The following B3GNT5 variants were observed in gnomAD, a reference collection of about 807,000 sequenced individuals.
B3GNT5 encodes the protein lactosylceramide 1,3-N-acetyl-beta-D-glucosaminyltransferase.
Under a neutral mutation model 25.9 loss-of-function variants are expected in B3GNT5, and 11 were observed. That is an observed-to-expected ratio of 0.42 (90% CI 0.27 to 0.70). The LOEUF is 0.70. Ranked by LOEUF, B3GNT5 falls within the 30% of genes least tolerant of loss-of-function variation. B3GNT5 has a pLI of 0.23. For synonymous variants in B3GNT5, 166 were observed against 158.6 expected, an observed-to-expected ratio of 1.05 and a Z score of -0.35; for missense variants, 385 against 458.4, an observed-to-expected ratio of 0.84 and a Z score of 1.46.
chr3:183,255,704 A>C (rs1724979874), intron 1 of B3GNT5, among the ~76,000 whole-genome samples: 1 of 152,228 alleles, frequency 6.6e-6, no homozygotes, highest in South Asian at 2.1e-4. Flanking sequence ...AGAGTTTTCA[A>C]AATAAAGTGC....
At position 183,271,592 on chromosome 3, in the gene B3GNT5, A is replaced by G. The variant is rs978069521; in HGVS notation, c.*657A>G. The G allele has an allele frequency of 2.4e-5, 4 of 167,038 alleles. No individual in the cohort carries two copies. Among genetic ancestry groups the G allele is most frequent in the Non-Finnish European group, 4.4e-5 (3 of 68,108 alleles). The allele number at this position is 167,038 out of a possible 1,614,324, so 10.3% of individuals were successfully genotyped here. On this transcript the variant is annotated 3_prime_UTR_variant, in exon 2 of 2. Transcript: ENST00000326505. Reference sequence around the variant, plus strand: ...TTTAATGTGAACTTTTAGAAAAGTGATTAATGTTGCCCTAATACTTTATAT... The same window carrying G: ...TTTAATGTGAACTTTTAGAAAAGTGGTTAATGTTGCCCTAATACTTTATAT...
chr3:183,266,044 G>A (rs1218008690), intron 1 of B3GNT5: 4 of 152,230 alleles, frequency 2.6e-5, no homozygotes, highest in Non-Finnish European at 5.9e-5. Context: ...TACATGTTGA[G>A]GGTGGGGACA....
chr3:183,264,146 C>A (rs910720466), intron 1 of B3GNT5, among the ~76,000 whole-genome samples: 5 of 152,192 alleles, frequency 3.3e-5, no homozygotes, highest in African/African-American at 1.2e-4. Context: ...TCTGTACCCC[C>A]CTAAGACTCC....
rs568907388 is a variant in B3GNT5 at position 183,258,142 on chromosome 3, G to A, written c.-302+4670G>A. ...TCCACCACACCCAGCTAATTTTTGT[G>A]TTTTTAGTAGAGATGGGGTTTCACC... On this transcript the variant is annotated intron_variant, in intron 1 of 1. Transcript: ENST00000326505. Among the ~76,000 whole-genome samples, 214 of 151,466 alleles carry A rather than the reference G, an allele frequency of 1.4e-3. 1 individual carries two copies. The highest frequency in any genetic ancestry group is 0.01 in the Middle Eastern group (3 of 294).
At position 183,269,920 on chromosome 3, in the gene B3GNT5, G is replaced by A; in HGVS notation, c.122G>A (p.Ser41Asn). Reference sequence around the variant, plus strand: ...GAACCAATCGATAATCACATTGTGAGCCATATGAAGTCATATTCTTACAGA... The same window carrying A: ...GAACCAATCGATAATCACATTGTGAACCATATGAAGTCATATTCTTACAGA... ...FWEPIDNHIV[S>N]HMKSYSYRYL... The change falls in exon 2 of 2, where the codon AGC becomes AAC. Residue 41 changes from serine to asparagine, a missense_variant. Ser to Asn is a conservative substitution (Grantham distance 46, BLOSUM62 1). Coordinates refer to ENST00000326505, the MANE Select transcript of B3GNT5 (RefSeq NM_032047.5). 1 of 1,614,082 alleles carries A rather than the reference G, an allele frequency of 6.2e-7. No individual in the cohort carries two copies. The highest frequency in any genetic ancestry group is 8.5e-7 in the Non-Finnish European group (1 of 1,180,030).
At chr3:183,264,395 T>C (rs1333680023) in intron 1 of B3GNT5, among the ~76,000 whole-genome samples, 1 of 152,240 alleles carries the variant, frequency 6.6e-6, no homozygotes, top group Non-Finnish European at 1.5e-5. Context: ...AGACACACTG[T>C]ACCTTACCAG....
At chr3:183,258,591 C>T (rs1725295921) in intron 1 of B3GNT5, among the ~76,000 whole-genome samples, 1 of 152,210 alleles carries the variant, frequency 6.6e-6, no homozygotes, top group African/African-American at 2.4e-5. Context: ...GGTTTGGGGT[C>T]CATAGTTTGT....
chr3:183,262,716 G>T (rs936180579), intron 1 of B3GNT5, among the ~76,000 whole-genome samples: 6 of 151,724 alleles, frequency 4.0e-5, no homozygotes, highest in Admixed American at 2.6e-4. Context: ...AAGTCTTCAG[G>T]GTGGGGGGGA....
Position 183,272,959 on chromosome 3 carries a change from A to G in B3GNT5, c.*2024A>G, listed in dbSNP as rs16857228. The G allele has an allele frequency of 5.0e-3, 7,291 of 1,447,738 alleles. 316 individuals carry two copies. In the African/African-American group the frequency reaches 0.09, roughly 18 times the overall value. 89.7% of individuals were successfully genotyped at this position (1,447,738 alleles called of 1,614,324 possible). A position where few individuals can be genotyped will look rare whatever the true frequency, so the allele number is the denominator to read the frequency against. On this transcript the variant is annotated 3_prime_UTR_variant, in exon 2 of 2. Transcript: ENST00000326505. ...TAATTTTTGCTTAGAATAGAATGGA[A>G]CAAGTTTAAATTTCAAGGAAATATG... is the stretch of plus-strand genomic sequence containing the variant.
At chr3:183,253,879 G>C (rs982559170) in intron 1 of B3GNT5, 2 of 152,232 alleles carry the variant, frequency 1.3e-5, no homozygotes, top group Non-Finnish European at 2.9e-5. Context: ...TCTTTCCGCG[G>C]CCGAGGCCTC....
rs1366116389 is a variant in B3GNT5 at position 183,267,979 on chromosome 3, C to T, written c.-301-1519C>T. ...GCTGAGTGTAGGGTGTCCACAACATCGTGCCTAAAAAGTCTCTGTATGGGG... is the reference window on the plus strand; with the variant it reads ...GCTGAGTGTAGGGTGTCCACAACATTGTGCCTAAAAAGTCTCTGTATGGGG... On this transcript the variant is annotated intron_variant, in intron 1 of 1. Coordinates refer to ENST00000326505, the MANE Select transcript of B3GNT5 (RefSeq NM_032047.5). The surrounding 1 kb of genome is among the most constrained non-coding windows in gnomAD (Gnocchi z 5.5). Among the ~76,000 whole-genome samples, 1 of 152,098 alleles carries T rather than the reference C, an allele frequency of 6.6e-6. No individual in the cohort carries two copies. Among genetic ancestry groups the T allele is most frequent in the African/African-American group, 2.4e-5 (1 of 41,408 alleles).
In B3GNT5 at chr3:183,269,913, A is replaced by T. The variant is rs768693471; in HGVS notation, c.115A>T (p.Ile39Phe). Residue 39 changes from isoleucine to phenylalanine, a missense_variant, in exon 2 of 2, where the codon ATT becomes TTT. Transcript: ENST00000326505. ...TTTTTGGGAACCAATCGATAATCAC[A>T]TTGTGAGCCATATGAAGTCATATTC... ...MFFWEPIDNH[I>F]VSHMKSYSYR... 5.6e-6 allele frequency: 9 copies of T among 1,614,014 alleles called. No individual in the cohort carries two copies. In the South Asian group the frequency reaches 9.9e-5, roughly 18 times the overall value.
At chr3:183,264,509 T>A (rs575859491) in intron 1 of B3GNT5, among the ~76,000 whole-genome samples, 1 of 152,354 alleles carries the variant, frequency 6.6e-6, no homozygotes, top group Non-Finnish European at 1.5e-5. Context: ...TGTAAAATAC[T>A]TCTTCATGAT....
intron 1 of B3GNT5, among the ~76,000 whole-genome samples, chr3:183,269,229 G>GTTTTTT (rs1305607255): frequency 1.3e-5 from 1 of 77,022 alleles, no homozygotes; most frequent in African/African-American, 1.1e-4. Flanking sequence ...CGTTTGGGAA[G>GTTTTTT]CTTTTTTTTT....
chr3:183,266,790 CTT>C (rs113393313), intron 1 of B3GNT5, among the ~76,000 whole-genome samples: 9 of 143,604 alleles, frequency 6.3e-5, no homozygotes, highest in Admixed American at 6.9e-5. Flanking sequence ...GTGTTTCAGT[CTT>C]TTTTTTTTTT....
In B3GNT5 at chr3:183,258,037, G is replaced by A. The variant is rs947241890; in HGVS notation, c.-302+4565G>A. Among the ~76,000 whole-genome samples the A allele has an allele frequency of 6.5e-5, 8 of 123,246 alleles. 1 individual carries two copies. In the South Asian group the frequency reaches 8.1e-4, roughly 13 times the overall value. The allele number at this position is 123,246 out of a possible 152,430, so 80.9% of individuals were successfully genotyped here. A position where few individuals can be genotyped will look rare whatever the true frequency, so the allele number is the denominator to read the frequency against. ...GGCTGGAGTGCAATGGTGCCATCTCGGCTCACCGCAACCTCCGCCTCCTGG... is the reference window on the plus strand; with the variant it reads ...GGCTGGAGTGCAATGGTGCCATCTCAGCTCACCGCAACCTCCGCCTCCTGG... On this transcript the variant is annotated intron_variant, in intron 1 of 1. Transcript: ENST00000326505.
chr3:183,262,322 C>T (rs1472434349), intron 1 of B3GNT5, among the ~76,000 whole-genome samples: 3 of 151,918 alleles, frequency 2.0e-5, no homozygotes, highest in African/African-American at 7.3e-5. Flanking sequence ...CAATATTCAG[C>T]CCCCAGCAGG....
intron 1 of B3GNT5, among the ~76,000 whole-genome samples, chr3:183,258,765 G>C (rs757492140): frequency 1.3e-5 from 2 of 151,716 alleles, no homozygotes; most frequent in African/African-American, 4.8e-5. Context: ...TTTAGAGATG[G>C]GTCTCACTCT....
Position 183,272,012 on chromosome 3 carries a change from A to G in B3GNT5, c.*1077A>G, listed in dbSNP as rs78804737. ...TTTTAAATTGAGAGCATTAAACATC[A>G]AAGTTATAATATCTAAAACAATTTA... On this transcript the variant is annotated 3_prime_UTR_variant, in exon 2 of 2. Coordinates refer to ENST00000326505, the MANE Select transcript of B3GNT5 (RefSeq NM_032047.5). 9,309 of 420,894 alleles carry G rather than the reference A, an allele frequency of 0.022. 117 individuals are homozygous for G. Among genetic ancestry groups the G allele is most frequent in the Non-Finnish European group, 0.026 (7,930 of 300,520 alleles). 26.1% of individuals were successfully genotyped at this position (420,894 alleles called of 1,614,324 possible). A position where few individuals can be genotyped will look rare whatever the true frequency, so the allele number is the denominator to read the frequency against.
Sources: gnomAD v4.1 joint callset for allele counts (sites outside exome capture counted in the v4.1 genomes callset) on GRCh38, gnomAD v4.1.1 for gene constraint, Gnocchi (gnomAD v3.1) non-coding constraint, MANE v1.5 for transcripts, NCBI Gene and HGNC (gene_info 2026-07-23, HGNC 2026-07-21) for gene names.